Variants in RNF150 observed in about 807,000 individuals in gnomAD.
RNF150 encodes the protein ring finger protein 150.
In RNF150, 24 loss-of-function variants were observed where a neutral mutation model predicts 39.3. The observed-to-expected ratio is 0.61, with a 90% CI of 0.44 to 0.86. RNF150 has a LOEUF of 0.86. RNF150 is among the 40% of genes least tolerant of loss of function. The probability of loss-of-function intolerance (pLI) is 0.00; values close to 1 mark genes in which losing one functional copy is unlikely to be tolerated. For missense variants in RNF150, 502 were observed against 587.8 expected (o/e 0.85, Z 1.51); for synonymous variants, 255 against 227.3 (o/e 1.12, Z -1.10).
chr4:140,999,830 G>A (rs1312414613), intron 1 of RNF150, among the ~76,000 whole-genome samples: 2 of 151,370 alleles, frequency 1.3e-5, no homozygotes, highest in African/African-American at 4.9e-5. Flanking sequence ...AGCTACTCAT[G>A]AGGCTGAGGC....
At chr4:141,021,766 T>C (rs371291062) in intron 1 of RNF150, among the ~76,000 whole-genome samples, 4 of 152,186 alleles carry the variant, frequency 2.6e-5, no homozygotes, top group East Asian at 3.8e-4. Context: ...ATGTGTCCCA[T>C]TGTTACAGGT....
rs1392793609 is a variant in RNF150 at position 140,864,677 on chromosome 4, G to C, written c.*3584C>G. On this transcript the variant is annotated 3_prime_UTR_variant, in exon 7 of 7. Transcript: ENST00000515673. The stretch of plus-strand genomic sequence containing the variant: ...TTTCACCAACCATGAACAAGAAGAA[G>C]GGGTTGAGGTAAAGTTGGGTGATTT... 1 of 152,206 alleles carries C rather than the reference G, an allele frequency of 6.6e-6. No homozygotes were observed. Among genetic ancestry groups the C allele is most frequent in the Non-Finnish European group, 1.5e-5 (1 of 68,054 alleles). The allele number at this position is 152,206 out of a possible 1,614,324, so 9.4% of individuals were successfully genotyped here. A position where few individuals can be genotyped will look rare whatever the true frequency, so the allele number is the denominator to read the frequency against.
chr4:141,140,897 A>T (rs1278340886), intron 1 of RNF150, among the ~76,000 whole-genome samples: 1 of 152,224 alleles, frequency 6.6e-6, no homozygotes. Context: ...TGAGGGAGAC[A>T]GCGGTAGCAC....
intron 1 of RNF150, among the ~76,000 whole-genome samples, chr4:141,046,164 C>T (rs1013906006): frequency 6.6e-6 from 1 of 152,108 alleles, no homozygotes; most frequent in Non-Finnish European, 1.5e-5. Context: ...TAAGATTCAG[C>T]TTGACAAACA....
At chr4:141,079,701 T>C (rs1738076445) in intron 1 of RNF150, among the ~76,000 whole-genome samples, 1 of 152,220 alleles carries the variant, frequency 6.6e-6, no homozygotes, top group African/African-American at 2.4e-5. Flanking sequence ...CTACCACTTA[T>C]TTACTTCATG....
chr4:141,086,459 G>A (rs536274218), intron 1 of RNF150, among the ~76,000 whole-genome samples: 19 of 151,952 alleles, frequency 1.3e-4, no homozygotes, highest in African/African-American at 4.3e-4. Context: ...TTTGAATTTT[G>A]TTCAGTATTC....
At chr4:141,066,076 T>A (rs2110932777) in intron 1 of RNF150, among the ~76,000 whole-genome samples, 1 of 152,134 alleles carries the variant, frequency 6.6e-6, no homozygotes, top group South Asian at 2.1e-4. Flanking sequence ...CAACACTATT[T>A]GACTCATCTG....
chr4:141,064,621 C>CAAT (rs1560717609), intron 1 of RNF150, among the ~76,000 whole-genome samples: 1 of 151,372 alleles, frequency 6.6e-6, no homozygotes, highest in African/African-American at 2.4e-5. Flanking sequence ...ACAACAACAA[C>CAAT]AAAAAATTAA....
intron 6 of RNF150, among the ~76,000 whole-genome samples, chr4:140,878,691 T>G (rs977867832): frequency 2.6e-5 from 4 of 152,238 alleles, no homozygotes; most frequent in Non-Finnish European, 5.9e-5. Flanking sequence ...AAATATTTTC[T>G]CTCATTCTGT....
chr4:141,186,346 A>G (rs1051138530), intron 1 of RNF150, among the ~76,000 whole-genome samples: 1 of 152,136 alleles, frequency 6.6e-6, no homozygotes, highest in African/African-American at 2.4e-5. Flanking sequence ...CTCTGATGGT[A>G]GTTTGTATTT....
chr4:141,132,251 A>T lies in RNF150; in HGVS notation c.484+74T>A, dbSNP rs560336850. The T allele has an allele frequency of 5.5e-6, 8 of 1,462,268 alleles. No individual in the cohort carries two copies. Among genetic ancestry groups the T allele is most frequent in the Non-Finnish European group, 7.4e-6 (8 of 1,076,794 alleles). 90.6% of individuals were successfully genotyped at this position (1,462,268 alleles called of 1,614,324 possible). A position where few individuals can be genotyped will look rare whatever the true frequency, so the allele number is the denominator to read the frequency against. On this transcript the variant is annotated intron_variant, in intron 1 of 6. Transcript: ENST00000515673. This position sits in a 1 kb window ranked among gnomAD's most constrained non-coding sequence, Gnocchi z 4.9. The stretch of plus-strand genomic sequence containing the variant: ...CACGGACTTCCCAGAAGGAGCCTGG[A>T]GGCAGGCGCTGGATCCCTCTAGGCA...
At chr4:140,965,023 A>G (rs4956495) in intron 2 of RNF150, among the ~76,000 whole-genome samples, 146,576 of 152,152 alleles carry the variant, frequency 0.96, 70,829 homozygotes, top group East Asian at 1. Flanking sequence ...AAATAATGTC[A>G]GCTCTCTACT....
intron 1 of RNF150, among the ~76,000 whole-genome samples, chr4:141,052,432 G>A (rs911727563): frequency 2.0e-5 from 3 of 152,082 alleles, no homozygotes; most frequent in African/African-American, 7.2e-5. Flanking sequence ...CTGGAGTGCA[G>A]TGGCGCGATC....
intron 1 of RNF150, among the ~76,000 whole-genome samples, chr4:141,108,051 G>A (rs555342561): frequency 1.1e-4 from 17 of 152,158 alleles, no homozygotes; most frequent in African/African-American, 2.9e-4. Context: ...TCTCCAAAGC[G>A]TGACTCTCCT....
intron 1 of RNF150, among the ~76,000 whole-genome samples, chr4:141,064,624 A>AAC (rs1337316427): frequency 3.2e-5 from 4 of 124,674 alleles, no homozygotes; most frequent in Non-Finnish European, 7.4e-5. Flanking sequence ...ACAACAACAA[A>AAC]AAATTAAAAA....
chr4:141,194,506 T>C (rs146922717), intron 1 of RNF150, among the ~76,000 whole-genome samples: 98 of 152,306 alleles, frequency 6.4e-4, no homozygotes, highest in Middle Eastern at 6.8e-3. Context: ...TGTCAACTTT[T>C]AGCATAAATG....
intron 4 of RNF150, among the ~76,000 whole-genome samples, chr4:140,928,418 G>A (rs560209840): frequency 1.1e-4 from 17 of 151,976 alleles, no homozygotes; most frequent in Admixed American, 4.6e-4. Context: ...ATGCAAGAGC[G>A]CAGGGAGGGA....
At chr4:141,013,629 C>G (rs764591297) in intron 1 of RNF150, among the ~76,000 whole-genome samples, 1 of 151,988 alleles carries the variant, frequency 6.6e-6, no homozygotes, top group Non-Finnish European at 1.5e-5. Flanking sequence ...TGTTTTTTTC[C>G]AATGCAACCT....
At chr4:141,200,821 A>G (rs2111216240) in intron 1 of RNF150, among the ~76,000 whole-genome samples, 1 of 152,310 alleles carries the variant, frequency 6.6e-6, no homozygotes, top group South Asian at 2.1e-4. Flanking sequence ...GGTTTTAAAG[A>G]AGAACCTTCG....
Sources: allele counts gnomAD v4.1 joint callset (sites outside exome capture counted in the v4.1 genomes callset), GRCh38; gene constraint gnomAD v4.1.1; non-coding constraint Gnocchi (gnomAD v3.1); transcripts MANE v1.5; gene names NCBI Gene and HGNC (gene_info 2026-07-23, HGNC 2026-07-21).